Variants in CENPW observed in about 807,000 individuals in gnomAD.
The protein encoded by CENPW is centromere protein W.
CENPW carries 3 observed loss-of-function variants against 11.1 expected under a neutral mutation model. That is an observed-to-expected ratio of 0.27 (90% CI 0.12 to 0.70). The LOEUF (loss-of-function observed/expected upper bound fraction) is 0.70, where lower values mean the gene tolerates loss of function less well. Ranked by LOEUF, CENPW falls within the 30% of genes least tolerant of loss-of-function variation. CENPW has a pLI of 0.77. For synonymous variants in CENPW, 38 were observed against 42.0 expected, an observed-to-expected ratio of 0.91 and a Z score of 0.37; for missense variants, 100 against 105.6, an observed-to-expected ratio of 0.95 and a Z score of 0.23.
At chr6:126,383,920 T>C in the CENPW span, among the ~76,000 whole-genome samples, 1 of 151,838 alleles carries the variant, frequency 6.6e-6, no homozygotes, top group Non-Finnish European at 1.5e-5. Flanking sequence ...ATGGACCTGA[T>C]AGACATCTAC....
At chr6:126,350,891 T>G (rs1430428667), downstream of CENPW, among the ~76,000 whole-genome samples, 1 of 152,016 alleles carries the variant, frequency 6.6e-6, no homozygotes, top group Admixed American at 6.6e-5. Flanking sequence ...CAAGAGAATG[T>G]AAATTTGAAA....
intron 2 of CENPW, among the ~76,000 whole-genome samples, chr6:126,346,786 C>T (rs955927539): frequency 1.3e-5 from 2 of 152,122 alleles, no homozygotes; most frequent in Non-Finnish European, 2.9e-5. Context: ...CCTTCCTCCA[C>T]ATGGAGGGAT....
the CENPW span, among the ~76,000 whole-genome samples, chr6:126,476,139 T>C: frequency 6.6e-6 from 1 of 151,982 alleles, no homozygotes; most frequent in African/African-American, 2.4e-5. Flanking sequence ...GCCTCCACTC[T>C]TTCTACCTAG....
At chr6:126,429,346 G>C in the CENPW span, among the ~76,000 whole-genome samples, 85 of 152,198 alleles carry the variant, frequency 5.6e-4, 1 homozygote, top group African/African-American at 2.0e-3. Context: ...GTGTTGAACT[G>C]TAATCCCCAA....
At chr6:126,472,243 C>T in the CENPW span, among the ~76,000 whole-genome samples, 1 of 152,120 alleles carries the variant, frequency 6.6e-6, no homozygotes, top group Non-Finnish European at 1.5e-5. Context: ...ATGAAAACCA[C>T]AATACATAAT....
the CENPW span, among the ~76,000 whole-genome samples, chr6:126,408,574 C>T: frequency 6.6e-6 from 1 of 152,076 alleles, no homozygotes; most frequent in Admixed American, 6.6e-5. Flanking sequence ...ATATCAACCC[C>T]TTTCTTACAC....
the CENPW span, among the ~76,000 whole-genome samples, chr6:126,460,235 A>G: frequency 6.6e-6 from 1 of 151,778 alleles, no homozygotes; most frequent in Non-Finnish European, 1.5e-5. Flanking sequence ...AAGAAGAGAG[A>G]ATCCTGAATT....
chr6:126,426,743 T>C, the CENPW span, among the ~76,000 whole-genome samples: 1 of 152,176 alleles, frequency 6.6e-6, no homozygotes, highest in South Asian at 2.1e-4. Flanking sequence ...AATAGACTTA[T>C]AAACTAAGGC....
At chr6:126,475,882 TA>T in the CENPW span, among the ~76,000 whole-genome samples, 1 of 152,006 alleles carries the variant, frequency 6.6e-6, no homozygotes, top group African/African-American at 2.4e-5. Context: ...ATGCCAGAGC[TA>T]AAAAAGACCT....
the CENPW span, among the ~76,000 whole-genome samples, chr6:126,390,221 A>G: frequency 6.6e-6 from 1 of 151,870 alleles, no homozygotes; most frequent in Non-Finnish European, 1.5e-5. Context: ...TCTTTCCTGG[A>G]CTACTGCAAT....
At chr6:126,482,418 C>T in the CENPW span, among the ~76,000 whole-genome samples, 2 of 151,834 alleles carry the variant, frequency 1.3e-5, no homozygotes, top group African/African-American at 4.8e-5. Context: ...TATTTATATA[C>T]TGTTTAAGAA....
chr6:126,347,290 G>T (rs1780429409), intron 2 of CENPW, among the ~76,000 whole-genome samples: 1 of 152,030 alleles, frequency 6.6e-6, no homozygotes, highest in Admixed American at 6.6e-5. Context: ...TTTTGTTTTA[G>T]ATTTATTTTG....
At chr6:126,425,155 CTT>C in the CENPW span, among the ~76,000 whole-genome samples, 3 of 152,036 alleles carry the variant, frequency 2.0e-5, no homozygotes, top group Admixed American at 1.3e-4. Context: ...CTCCTGGAGT[CTT>C]TCACAGAGGA....
the CENPW span, among the ~76,000 whole-genome samples, chr6:126,367,409 T>A: frequency 6.6e-6 from 1 of 151,434 alleles, no homozygotes; most frequent in African/African-American, 2.4e-5. Context: ...AAGATTTGGA[T>A]CAGAAATCCT....
At chr6:126,404,010 C>G in the CENPW span, among the ~76,000 whole-genome samples, 1 of 152,066 alleles carries the variant, frequency 6.6e-6, no homozygotes, top group Admixed American at 6.6e-5. Context: ...AATCCTAGGG[C>G]CCTTAAGAAT....
chr6:126,391,712 A>G, the CENPW span, among the ~76,000 whole-genome samples: 3 of 151,836 alleles, frequency 2.0e-5, no homozygotes, highest in Non-Finnish European at 4.4e-5. Flanking sequence ...TCCCACCACC[A>G]CTTATTGAAG....
chr6:126,344,462 G>C lies in CENPW; in HGVS notation c.127-1743G>C, dbSNP rs547775491. ...TAAGGAATTTGGAATTTATCCTGAG[G>C]GTATCTGGAAGCTATTTACCTTTAG... On this transcript the variant is annotated intron_variant, in intron 1 of 2. Transcript: ENST00000368328. 2.0e-5 allele frequency among the ~76,000 whole-genome samples: 3 copies of C among 152,236 alleles called. No individual in the cohort carries two copies. In the South Asian group the frequency reaches 6.2e-4, roughly 32 times the overall value.
the CENPW span, among the ~76,000 whole-genome samples, chr6:126,421,494 C>G: frequency 9.9e-5 from 15 of 151,914 alleles, no homozygotes; most frequent in Non-Finnish European, 2.1e-4. Context: ...ATTTTATTTA[C>G]TTATTCCCTC....
At chr6:126,440,801 G>C in the CENPW span, among the ~76,000 whole-genome samples, 162 of 151,528 alleles carry the variant, frequency 1.1e-3, no homozygotes, top group African/African-American at 3.7e-3. Context: ...TAGAGGATTT[G>C]AAAGGACTGG....
Sources: allele counts gnomAD v4.1 joint callset (sites outside exome capture counted in the v4.1 genomes callset), GRCh38; gene constraint gnomAD v4.1.1; transcripts MANE v1.5; gene names NCBI Gene and HGNC (gene_info 2026-07-23, HGNC 2026-07-21).